Variants in MOB1B observed in about 807,000 individuals in gnomAD.
The protein encoded by MOB1B is MOB1 Mps One Binder homolog B.
In MOB1B, 19 loss-of-function variants were observed where a neutral mutation model predicts 24.4. The ratio of observed to expected loss-of-function variants is 0.78; its 90% CI spans 0.54 to 1.14. MOB1B has a LOEUF of 1.14. MOB1B is among the 50% of genes most tolerant of loss of function. The pLI, the probability that MOB1B is intolerant of heterozygous loss-of-function variation, is 0.00. For missense variants in MOB1B, 243 were observed against 259.6 expected (o/e 0.94, Z 0.44); for synonymous variants, 76 against 82.1 (o/e 0.93, Z 0.40).
At chr4:70,924,531 G>A (rs772311030) in intron 1 of MOB1B, among the ~76,000 whole-genome samples, 3 of 151,986 alleles carry the variant, frequency 2.0e-5, no homozygotes, top group Admixed American at 6.6e-5. Context: ...CGAGCACAAC[G>A]TGCAGTTTTG....
intron 1 of MOB1B, among the ~76,000 whole-genome samples, chr4:70,914,417 T>C (rs1481422023): frequency 6.6e-6 from 1 of 152,180 alleles, no homozygotes; most frequent in Admixed American, 6.6e-5. Flanking sequence ...TTTTTTTATC[T>C]TACACTTTTT....
At chr4:70,938,334 CA>C (rs71211984) in intron 1 of MOB1B, among the ~76,000 whole-genome samples, 59 of 6,292 alleles carry the variant, frequency 9.4e-3, no homozygotes, top group African/African-American at 0.023. Context: ...CCCCCCCCCC[CA>C]AAAAAAAAAA....
At chr4:70,933,573 A>G (rs1445627411) in intron 1 of MOB1B, among the ~76,000 whole-genome samples, 4 of 101,324 alleles carry the variant, frequency 3.9e-5, no homozygotes, top group African/African-American at 3.9e-5. Context: ...TTTTTTTGAG[A>G]CAGAGTCTTG....
In MOB1B at chr4:70,914,835, C is replaced by T. The variant is rs1273220819; in HGVS notation, c.14+12285C>T. 5.3e-5 allele frequency among the ~76,000 whole-genome samples: 8 copies of T among 152,168 alleles called. No homozygotes were observed. In the East Asian group the frequency reaches 1.3e-3, roughly 26 times the overall value. On this transcript the variant is annotated intron_variant, in intron 1 of 5. Transcript: ENST00000309395. ...GCCTGGGCCCAAGCTGTTGTACAGT[C>T]GCGGTTACTGCCCCACCTCCTCTCC...
intron 3 of MOB1B, 105 bp downstream of exon 3, chr4:70,970,129 C>A (rs1284457929): frequency 1.5e-6 from 1 of 649,404 alleles, no homozygotes; most frequent in Non-Finnish European, 2.6e-6. Flanking sequence ...TCGTCTCTTT[C>A]TGAGGTTTGC....
intron 1 of MOB1B, among the ~76,000 whole-genome samples, chr4:70,933,700 C>T (rs776558366): frequency 4.6e-5 from 7 of 151,496 alleles, no homozygotes; most frequent in Admixed American, 6.6e-5. Flanking sequence ...TACAGGCTCC[C>T]GCTACCACGC....
chr4:70,960,889 G>A (rs1738276679), intron 2 of MOB1B, among the ~76,000 whole-genome samples: 1 of 152,166 alleles, frequency 6.6e-6, no homozygotes, highest in Non-Finnish European at 1.5e-5. Flanking sequence ...CTATATTACA[G>A]TAGAGTCTGA....
At chr4:70,978,442 C>CT (rs561703659) in intron 4 of MOB1B, among the ~76,000 whole-genome samples, 359 of 152,232 alleles carry the variant, frequency 2.4e-3, no homozygotes, top group Non-Finnish European at 2.4e-3. Context: ...GGGTATATGC[C>CT]TAGAAGACGG....
At chr4:70,939,448 C>A (rs1737238912) in intron 1 of MOB1B, among the ~76,000 whole-genome samples, 1 of 152,278 alleles carries the variant, frequency 6.6e-6, no homozygotes, top group East Asian at 1.9e-4. Flanking sequence ...AATCACAGGC[C>A]AAGGTGGGCG....
chr4:70,963,548 G>A (rs1045032938), intron 2 of MOB1B, among the ~76,000 whole-genome samples: 6 of 151,170 alleles, frequency 4.0e-5, no homozygotes, highest in Admixed American at 1.3e-4. Flanking sequence ...GTCCGGGCAT[G>A]GTGGCTCATG....
At chr4:70,904,851 A>G (rs990321371) in intron 1 of MOB1B, among the ~76,000 whole-genome samples, 10 of 152,064 alleles carry the variant, frequency 6.6e-5, no homozygotes, top group Admixed American at 6.5e-4. Context: ...TTTTGAATAC[A>G]AATACAGTAG....
rs964397927 is a variant in MOB1B, at chr4:70,985,511, T to A, written c.*3454T>A. 2 of 151,958 alleles carry A rather than the reference T, an allele frequency of 1.3e-5. No individual in the cohort carries two copies. The allele number at this position is 151,958 out of a possible 1,614,324, so 9.4% of individuals were successfully genotyped here. A position where few individuals can be genotyped will look rare whatever the true frequency, so the allele number is the denominator to read the frequency against. On this transcript the variant is annotated 3_prime_UTR_variant, in exon 6 of 6. Coordinates refer to ENST00000309395, the MANE Select transcript of MOB1B (RefSeq NM_173468.4). ...GGCAGCTTAATATGACCTTTTTAAA[T>A]TTTTTTTATTTTTTTTATTTTTATT...
At chr4:70,968,628 T>C (rs1578397449) in intron 2 of MOB1B, among the ~76,000 whole-genome samples, 1 of 152,230 alleles carries the variant, frequency 6.6e-6, no homozygotes, top group East Asian at 1.9e-4. Flanking sequence ...ACTTTATTCT[T>C]TTTTGAGACA....
intron 1 of MOB1B, among the ~76,000 whole-genome samples, chr4:70,922,103 ACGTGTTAACT>A (rs749896306): frequency 1.4e-4 from 22 of 152,368 alleles, no homozygotes; most frequent in Admixed American, 7.2e-4. Context: ...ATACAGAATT[ACGTGTTAACT>A]AAAATTCTTA....
chr4:70,949,065 ATCAC>A (rs779716413), intron 1 of MOB1B, among the ~76,000 whole-genome samples: 19 of 152,222 alleles, frequency 1.2e-4, no homozygotes, highest in Non-Finnish European at 2.4e-4. Context: ...GCACAGCAGA[ATCAC>A]TCTTACCTTC....
At chr4:70,955,447 T>C (rs1337131668) in intron 1 of MOB1B, among the ~76,000 whole-genome samples, 1 of 151,732 alleles carries the variant, frequency 6.6e-6, no homozygotes, top group East Asian at 1.9e-4. Context: ...GTAAAATATG[T>C]TTGTGAAGTA....
chr4:70,909,146 C>T (rs1255407058), intron 1 of MOB1B, among the ~76,000 whole-genome samples: 2 of 151,766 alleles, frequency 1.3e-5, no homozygotes, highest in East Asian at 3.9e-4. Context: ...CTTGATGGTG[C>T]TATGTTTATA....
chr4:70,926,042 CA>C (rs1736635057), intron 1 of MOB1B, among the ~76,000 whole-genome samples: 1 of 152,122 alleles, frequency 6.6e-6, no homozygotes, highest in African/African-American at 2.4e-5. Context: ...AGCTGGAATG[CA>C]GTGGTATCTT....
chr4:70,955,714 AC>A (rs1738019251), intron 1 of MOB1B, among the ~76,000 whole-genome samples: 2 of 151,452 alleles, frequency 1.3e-5, no homozygotes. Context: ...CAGGTGATCC[AC>A]CTGCCTCAGC....
Sources: allele counts gnomAD v4.1 joint callset (sites outside exome capture counted in the v4.1 genomes callset), GRCh38; gene constraint gnomAD v4.1.1; transcripts MANE v1.5; gene names NCBI Gene and HGNC (gene_info 2026-07-23, HGNC 2026-07-21).